PIK3IP1: variants seen among roughly 807,000 people sequenced by gnomAD.
The protein encoded by PIK3IP1 is phosphoinositide-3-kinase interacting protein 1, also known as phosphoinositide-3-kinase-interacting protein 1.
Under a neutral mutation model 30.7 loss-of-function variants are expected in PIK3IP1, and 28 were observed. The observed-to-expected ratio is 0.91, with a 90% confidence interval of 0.68 to 1.25. The LOEUF (loss-of-function observed/expected upper bound fraction) is 1.25. Among genes scored for constraint, PIK3IP1 ranks in the 50% most tolerant of loss-of-function variants. PIK3IP1 has a pLI of 0.00. For missense variants in PIK3IP1, 333 were observed against 346.2 expected, an observed-to-expected ratio of 0.96 and a Z score of 0.30; for synonymous variants, 159 against 140.8, an observed-to-expected ratio of 1.13 and a Z score of -0.91.
chr22:31,292,168 CGGCTAAACGCTTCGTTTCCTGTCATCCT>C, intron 1 of PIK3IP1, 79 bp downstream of exon 1: 1 of 1,113,960 alleles, frequency 9.0e-7, no homozygotes, highest in East Asian at 2.4e-5. Flanking sequence ...CAACAGAAAC[CGGCTAAACGCTTCGTTTCCTGTCATCCT>C]GGCCCTGTTT....
intron 3 of PIK3IP1, 81 bp from the exon 4 acceptor site, chr22:31,289,780 G>A (rs951709605): frequency 7.0e-7 from 1 of 1,421,266 alleles, no homozygotes; most frequent in East Asian, 2.5e-5. Context: ...GAGTGTTAGG[G>A]TAGATGAAGG....
chr22:31,286,746 G>A (rs1232127142), intron 5 of PIK3IP1, among the ~76,000 whole-genome samples: 2 of 152,242 alleles, frequency 1.3e-5, no homozygotes, highest in Non-Finnish European at 2.9e-5. Flanking sequence ...GCCAAATGCT[G>A]TTGGGTGGCT....
intron 5 of PIK3IP1, chr22:31,289,050 G>A: frequency 1.7e-6 from 1 of 576,770 alleles, no homozygotes; most frequent in South Asian, 2.3e-5. Context: ...CCTAGGCTAT[G>A]TGACTTTGAG....
intron 5 of PIK3IP1, among the ~76,000 whole-genome samples, chr22:31,284,010 T>A (rs1019864967): frequency 5.9e-5 from 9 of 152,176 alleles, no homozygotes; most frequent in African/African-American, 1.9e-4. Flanking sequence ...GTTCAAGCGA[T>A]TCTCCTGCCT....
At position 31,287,329 on chromosome 22, in the gene PIK3IP1, A is replaced by ATTT. The variant is rs776460911; in HGVS notation, c.587+1983_587+1985dup. Among the ~76,000 whole-genome samples the ATTT allele has an allele frequency of 6.1e-4, 52 of 85,658 alleles. 1 individual carries two copies. Among genetic ancestry groups the ATTT allele is most frequent in the African/African-American group, 1.9e-3 (41 of 21,614 alleles). 56.2% of individuals were successfully genotyped at this position (85,658 alleles called of 152,430 possible). Reference sequence around the variant, plus strand: ...CCACTACGCCTGGTCCATTACCTACATTTTTTTTTTTTTTTTTTTGAGACG... The same window carrying ATTT: ...CCACTACGCCTGGTCCATTACCTACATTTTTTTTTTTTTTTTTTTTTTGAGACG... On this transcript the variant is annotated intron_variant, in intron 5 of 5. Coordinates refer to ENST00000215912, the MANE Select transcript of PIK3IP1 (RefSeq NM_052880.5).
chr22:31,284,123 C>T (rs1202788180), intron 5 of PIK3IP1, among the ~76,000 whole-genome samples: 1 of 151,914 alleles, frequency 6.6e-6, no homozygotes, highest in African/African-American at 2.4e-5. Flanking sequence ...AGGCTGGTCT[C>T]GAACTCCCGA....
chr22:31,284,279 C>G (rs1016838770), intron 5 of PIK3IP1, among the ~76,000 whole-genome samples: 4 of 152,374 alleles, frequency 2.6e-5, no homozygotes, highest in African/African-American at 7.2e-5. Flanking sequence ...CAGCAACCTC[C>G]TTTACCTGTG....
At chr22:31,291,467 G>GC (rs1240179783) in intron 1 of PIK3IP1, among the ~76,000 whole-genome samples, 171 bp from the exon 2 acceptor site, 81 of 26,216 alleles carry the variant, frequency 3.1e-3, no homozygotes, top group Middle Eastern at 0.016. Flanking sequence ...CACGCCCCAC[G>GC]CACCCCCCCC....
Position 31,290,946 on chromosome 22 carries a change from C to T in PIK3IP1, c.307+19G>A. 3 of 1,549,846 alleles carry T rather than the reference C, an allele frequency of 1.9e-6. No individual in the cohort carries two copies. Among genetic ancestry groups the T allele is most frequent in the Admixed American group, 2.1e-5 (1 of 47,900 alleles). ...TGTCAGCGCCAGGAGCGGGGATTCCCGGGGTCCCGGGCAGGTACCTGGACA... is the reference window on the plus strand; with the variant it reads ...TGTCAGCGCCAGGAGCGGGGATTCCTGGGGTCCCGGGCAGGTACCTGGACA... On this transcript the variant is annotated intron_variant, in intron 3 of 5. Transcript: ENST00000215912.
chr22:31,292,444 C>G lies in PIK3IP1; in HGVS notation c.-100G>C. The G allele has an allele frequency of 1.1e-6, 1 of 936,172 alleles. No individual in the cohort carries two copies. Among genetic ancestry groups the G allele is most frequent in the Non-Finnish European group, 1.7e-6 (1 of 571,438 alleles). The allele number at this position is 936,172 out of a possible 1,614,324, so 58.0% of individuals were successfully genotyped here. On this transcript the variant is annotated 5_prime_UTR_variant, in exon 1 of 6. Coordinates refer to ENST00000215912, the MANE Select transcript of PIK3IP1 (RefSeq NM_052880.5). ...CCCAGTCCCAGCCTTGCAGTCAGAC[C>G]TGCCCTTGTTATGCTGTTCTGGTAA...
chr22:31,289,505 T>G lies in PIK3IP1; in HGVS notation c.502A>C (p.Thr168Pro). 6.5e-7 allele frequency: 1 copy of G among 1,534,038 alleles called. No individual in the cohort carries two copies. Among genetic ancestry groups the G allele is most frequent in the Non-Finnish European group, 8.8e-7 (1 of 1,138,762 alleles). ...GGGTGGGGGACCGTCATACCCAGAGTTCCCAGGTCCTTTTTCTCCTTGGAG... is the reference window on the plus strand; with the variant it reads ...GGGTGGGGGACCGTCATACCCAGAGGTCCCAGGTCCTTTTTCTCCTTGGAG... ...MNSKEKKDLGTLGYVLGITMM... is the reference protein window; with the variant it reads ...MNSKEKKDLGPLGYVLGITMM... The change falls in exon 4 of 6, where the codon ACT (threonine) becomes CCT (proline). Residue 168 changes from threonine (T) to proline (P), a missense_variant. Thr to Pro is a conservative substitution (Grantham distance 38, BLOSUM62 -1). Coordinates refer to ENST00000215912, the MANE Select transcript of PIK3IP1 (RefSeq NM_052880.5).
At position 31,289,653 on chromosome 22, in the gene PIK3IP1, T is replaced by C; in HGVS notation, c.354A>G (p.Glu118=). ...ALPAFTTEIQ[E]ASEGPGADEV... Reference sequence around the variant, plus strand: ...CATCTGCACCTGGCCCTTCAGACGCTTCCTGGATTTCTGTCGTGAAGGCTG... The same window carrying C: ...CATCTGCACCTGGCCCTTCAGACGCCTCCTGGATTTCTGTCGTGAAGGCTG... The change falls in exon 4 of 6, where the codon GAA becomes GAG. Residue 118 remains glutamate (E), a synonymous_variant. Coordinates refer to ENST00000215912, the MANE Select transcript of PIK3IP1 (RefSeq NM_052880.5). 1 of 1,554,162 alleles carries C rather than the reference T, an allele frequency of 6.4e-7. No individual in the cohort carries two copies. The highest frequency in any genetic ancestry group is 8.7e-7 in the Non-Finnish European group (1 of 1,147,954).
intron 5 of PIK3IP1, among the ~76,000 whole-genome samples, chr22:31,288,657 C>T (rs59650565): frequency 2.2e-4 from 34 of 152,316 alleles, no homozygotes; most frequent in African/African-American, 7.9e-4. Flanking sequence ...CTCGTGGGAC[C>T]TTTCAAAATA....
rs770316470 is a variant in PIK3IP1 at position 31,290,950 on chromosome 22, G to A, written c.307+15C>T. The A allele has an allele frequency of 2.6e-6, 4 of 1,563,372 alleles. No individual in the cohort carries two copies. Among genetic ancestry groups the A allele is most frequent in the South Asian group, 2.3e-5 (2 of 85,786 alleles). On this transcript the variant is annotated intron_variant, in intron 3 of 5. Coordinates refer to ENST00000215912, the MANE Select transcript of PIK3IP1 (RefSeq NM_052880.5). ...AGCGCCAGGAGCGGGGATTCCCGGG[G>A]TCCCGGGCAGGTACCTGGACAGCGC...
intron 5 of PIK3IP1, among the ~76,000 whole-genome samples, chr22:31,285,985 C>T (rs2049128053): frequency 6.6e-6 from 1 of 151,990 alleles, no homozygotes; most frequent in African/African-American, 2.4e-5. Flanking sequence ...CCAGCCTGGC[C>T]AACATGGTGA....
In PIK3IP1 at chr22:31,286,359, A is replaced by C. The variant is rs558263826; in HGVS notation, c.587+2956T>G. On this transcript the variant is annotated intron_variant, in intron 5 of 5. Coordinates refer to ENST00000215912, the MANE Select transcript of PIK3IP1 (RefSeq NM_052880.5). The stretch of plus-strand genomic sequence containing the variant: ...TAACAGACAAGATACCAAGGCTCAG[A>C]GGGCACCTGAACCCACACTCAACCT... Among the ~76,000 whole-genome samples, 15 of 152,308 alleles carry C rather than the reference A, an allele frequency of 9.8e-5. No individual in the cohort carries two copies. The East Asian group carries it at 2.9e-3, about 29-fold the overall frequency.
intron 1 of PIK3IP1, among the ~76,000 whole-genome samples, chr22:31,291,575 C>T (rs541919877): frequency 6.6e-6 from 1 of 150,974 alleles, no homozygotes; most frequent in African/African-American, 2.4e-5. Flanking sequence ...ATTTTTGAAA[C>T]CTGGAAAGCG....
intron 3 of PIK3IP1, chr22:31,289,939 C>CT: frequency 2.0e-6 from 1 of 502,832 alleles, no homozygotes; most frequent in Non-Finnish European, 3.6e-6. Flanking sequence ...CTACCTCCCA[C>CT]GTCTTTATCT....
intron 1 of PIK3IP1, 47 bp from the exon 2 acceptor site, chr22:31,291,343 G>A (rs1251917662): frequency 6.6e-7 from 1 of 1,526,162 alleles, no homozygotes; most frequent in Admixed American, 2.0e-5. Context: ...GGCAGCGAAC[G>A]GAAGACGCCC....
Sources: gnomAD v4.1 joint callset for allele counts (sites outside exome capture counted in the v4.1 genomes callset) on GRCh38, gnomAD v4.1.1 for gene constraint, MANE v1.5 for transcripts, NCBI Gene and HGNC (gene_info 2026-07-23, HGNC 2026-07-21) for gene names.